The following LSM8 variants were observed in gnomAD, a reference collection of about 807,000 sequenced individuals.
The protein encoded by LSM8 is LSM8 homolog, U6 small nuclear RNA associated.
LSM8 carries 14 observed loss-of-function variants against 15.0 expected under a neutral mutation model. The observed-to-expected ratio is 0.93, with a 90% CI of 0.62 to 1.46. LSM8 has a LOEUF of 1.46. Ranked by LOEUF, LSM8 falls within the 40% of genes most tolerant of loss-of-function variation. LSM8 has a pLI of 0.00. For synonymous variants in LSM8, 50 were observed against 42.1 expected (o/e 1.19, Z -0.73); for missense variants, 90 against 115.4 (o/e 0.78, Z 1.01).
intron 2 of LSM8, 43 bp from the exon 3 acceptor site, chr7:118,188,235 A>T (rs1400217058): frequency 6.2e-7 from 1 of 1,603,124 alleles, no homozygotes; most frequent in South Asian, 1.1e-5. Context: ...CTTTCAGGTA[A>T]ACCAGAATAT....
intron 3 of LSM8, chr7:118,191,260 G>A (rs1419870453): frequency 6.6e-6 from 1 of 152,144 alleles, no homozygotes; most frequent in African/African-American, 2.4e-5. Context: ...ATCTAGCGTG[G>A]TATTAATGAA....
intron 1 of LSM8, chr7:118,184,468 A>T (rs1190283290): frequency 2.1e-6 from 1 of 474,484 alleles, no homozygotes; most frequent in African/African-American, 2.0e-5. Flanking sequence ...TGCAAAACCC[A>T]AATAAAAACC....
At chr7:118,187,990 T>A (rs902618137) in intron 2 of LSM8, among the ~76,000 whole-genome samples, 2 of 152,230 alleles carry the variant, frequency 1.3e-5, no homozygotes, top group African/African-American at 4.8e-5. Flanking sequence ...TAAGCTTTTA[T>A]GCTACTTACT....
intron 2 of LSM8, among the ~76,000 whole-genome samples, chr7:118,187,312 T>G (rs1325371233): frequency 1.3e-5 from 2 of 152,266 alleles, no homozygotes; most frequent in African/African-American, 4.8e-5. Context: ...TTCAGAAACT[T>G]GAATACCATG....
At position 118,195,698 on chromosome 7, in the gene LSM8, CAT is replaced by C. The variant is rs1018171935; in HGVS notation, c.*3700_*3701del. On this transcript the variant is annotated 3_prime_UTR_variant, in exon 4 of 4. Transcript: ENST00000249299. Reference sequence around the variant, plus strand: ...TTCTGTACTTGTATAGTCATTACCTCATATAGATTTAATTTTATTAAATTAAA... The same window carrying C: ...TTCTGTACTTGTATAGTCATTACCTCATAGATTTAATTTTATTAAATTAAA... Among the ~76,000 whole-genome samples the C allele has an allele frequency of 1.3e-4, 20 of 152,094 alleles. No individual in the cohort carries two copies. The highest frequency in any genetic ancestry group is 4.6e-4 in the African/African-American group (19 of 41,416).
chr7:118,185,285 G>A (rs1808868495), intron 1 of LSM8: 1 of 186,746 alleles, frequency 5.4e-6, no homozygotes. Context: ...TTGAGTCGAG[G>A]GTCTCACTCT....
Position 118,188,364 on chromosome 7 carries a change from A to G in LSM8, c.159A>G (p.Glu53=). 4.3e-6 allele frequency: 7 copies of G among 1,613,282 alleles called. No individual in the cohort carries two copies. The highest frequency in any genetic ancestry group is 5.9e-6 in the Non-Finnish European group (7 of 1,179,238). The stretch of plus-strand genomic sequence containing the variant: ...TATTCAGCTCTTCACAGGGGGTAGA[A>G]CAAGTGGTACTAGGATTATACATTG... ...ERVFSSSQGV[E]QVVLGLYIVR... The change falls in exon 3 of 4, where the codon GAA becomes GAG. Residue 53 remains glutamate (E), a synonymous_variant. Transcript: ENST00000249299.
Position 118,196,775 on chromosome 7 carries a change from G to C in LSM8, c.*4773G>C, listed in dbSNP as rs1277675793. Among the ~76,000 whole-genome samples, 1 of 148,434 alleles carries C rather than the reference G, an allele frequency of 6.7e-6. No individual in the cohort carries two copies. The highest frequency in any genetic ancestry group is 2.5e-5 in the African/African-American group (1 of 40,032). ...GAGACACTTCTTGCTCTTTCGCCAG[G>C]CTGGAGTGCAGTGGTGCAATCTTGG... is the stretch of plus-strand genomic sequence containing the variant. On this transcript the variant is annotated 3_prime_UTR_variant, in exon 4 of 4. Coordinates refer to ENST00000249299, the MANE Select transcript of LSM8 (RefSeq NM_016200.5).
chr7:118,195,046 GC>G lies in LSM8; in HGVS notation c.*3046del, dbSNP rs1451969852. 6.6e-6 allele frequency among the ~76,000 whole-genome samples: 1 copy of G among 152,140 alleles called. No individual in the cohort carries two copies. Among genetic ancestry groups the G allele is most frequent in the Non-Finnish European group, 1.5e-5 (1 of 68,016 alleles). ...ATCTGCTATCAAGCATCTATCAGAA[GC>G]CTGATGAGAAATATTCAGATGATCT... is the stretch of plus-strand genomic sequence containing the variant. On this transcript the variant is annotated 3_prime_UTR_variant, in exon 4 of 4. Transcript: ENST00000249299.
In LSM8 at chr7:118,198,309, T is replaced by C. The variant is rs1017843346; in HGVS notation, c.*6307T>C. Among the ~76,000 whole-genome samples, 1 of 152,150 alleles carries C rather than the reference T, an allele frequency of 6.6e-6. No individual in the cohort carries two copies. The highest frequency in any genetic ancestry group is 2.4e-5 in the African/African-American group (1 of 41,450). On this transcript the variant is annotated 3_prime_UTR_variant, in exon 4 of 4. Transcript: ENST00000249299. ...TATGCCAGAGATCTGAAATGAAGAATGGATAAGAGCTTGCATATTTAATTT... is the reference window on the plus strand; with the variant it reads ...TATGCCAGAGATCTGAAATGAAGAACGGATAAGAGCTTGCATATTTAATTT...
chr7:118,194,557 A>G lies in LSM8; in HGVS notation c.*2555A>G, dbSNP rs1809044876. Among the ~76,000 whole-genome samples the G allele has an allele frequency of 6.6e-6, 1 of 152,172 alleles. No homozygotes were observed. The highest frequency in any genetic ancestry group is 1.5e-5 in the Non-Finnish European group (1 of 68,004). ...TAAACATCCTGTTTAACAACTTTAT[A>G]ACATCCTTCGGAATTTTTAAGGTAA... On this transcript the variant is annotated 3_prime_UTR_variant, in exon 4 of 4. Coordinates refer to ENST00000249299, the MANE Select transcript of LSM8 (RefSeq NM_016200.5).
At position 118,203,664 on chromosome 7, in the gene LSM8, G is replaced by C. The variant is rs1440150916; in HGVS notation, c.*11662G>C. Among the ~76,000 whole-genome samples, 9 of 151,934 alleles carry C rather than the reference G, an allele frequency of 5.9e-5. No homozygotes were observed. The East Asian group carries it at 1.4e-3, about 23-fold the overall frequency. ...ATAAAAAGTGAAAAGTCATCTGCCA[G>C]ATCTAACATGGTATACTCTAATGGA... On this transcript the variant is annotated 3_prime_UTR_variant, in exon 4 of 4. Transcript: ENST00000249299.
At chr7:118,185,517 T>A in intron 1 of LSM8, 137 bp from the exon 2 acceptor site, 1 of 739,280 alleles carries the variant, frequency 1.4e-6, no homozygotes, top group Non-Finnish European at 2.3e-6. Context: ...AACGTTTTTA[T>A]GTAGTGAACT....
chr7:118,185,631 A>C, intron 1 of LSM8, 23 bp from the exon 2 acceptor site: 2 of 1,594,970 alleles, frequency 1.3e-6, no homozygotes, highest in Non-Finnish European at 1.7e-6. Flanking sequence ...CCTAAGAAAC[A>C]CTTTCTTTGA....
chr7:118,202,980 C>T lies in LSM8; in HGVS notation c.*10978C>T, dbSNP rs752256896. Among the ~76,000 whole-genome samples the T allele has an allele frequency of 2.0e-5, 3 of 151,892 alleles. No individual in the cohort carries two copies. The highest frequency in any genetic ancestry group is 7.3e-5 in the African/African-American group (3 of 41,376). ...CTTACTTTATCCTTCAGGATTCTGG[C>T]GTCAAGTCCCTCCCTATCAGTCTTT... On this transcript the variant is annotated 3_prime_UTR_variant, in exon 4 of 4. Transcript: ENST00000249299.
In LSM8 at chr7:118,201,406, C is replaced by A. The variant is rs953006243; in HGVS notation, c.*9404C>A. On this transcript the variant is annotated 3_prime_UTR_variant, in exon 4 of 4. Transcript: ENST00000249299. ...TGGGCCTGATGACATCATTTCAGCA[C>A]CTGGATCCAGCGATGCCTAAAGATG... is the stretch of plus-strand genomic sequence containing the variant. Among the ~76,000 whole-genome samples, 3 of 152,018 alleles carry A rather than the reference C, an allele frequency of 2.0e-5. No homozygotes were observed. Among genetic ancestry groups the A allele is most frequent in the Non-Finnish European group, 4.4e-5 (3 of 67,974 alleles).
rs1273837086 is a variant in LSM8, at chr7:118,202,283, C to T, written c.*10281C>T. ...AGTTAGAATGGTATTTGGCTATAAG[C>T]ACTGGAAACTCTGACTGCCAGTGGC... On this transcript the variant is annotated 3_prime_UTR_variant, in exon 4 of 4. Transcript: ENST00000249299. Among the ~76,000 whole-genome samples the T allele has an allele frequency of 6.6e-6, 1 of 151,982 alleles. No individual in the cohort carries two copies. Among genetic ancestry groups the T allele is most frequent in the East Asian group, 1.9e-4 (1 of 5,198 alleles).
rs977048103 is a variant in LSM8 at position 118,199,071 on chromosome 7, C to T, written c.*7069C>T. On this transcript the variant is annotated 3_prime_UTR_variant, in exon 4 of 4. Coordinates refer to ENST00000249299, the MANE Select transcript of LSM8 (RefSeq NM_016200.5). ...GTGCAGCTCCACTGGGAGAGGACAT[C>T]TTGAAGTTTGTGCCTGGTTTCTCCT... Among the ~76,000 whole-genome samples, 4 of 152,196 alleles carry T rather than the reference C, an allele frequency of 2.6e-5. No homozygotes were observed. Among genetic ancestry groups the T allele is most frequent in the African/African-American group, 9.7e-5 (4 of 41,448 alleles).
Position 118,201,194 on chromosome 7 carries a change from C to T in LSM8, c.*9192C>T, listed in dbSNP as rs1043241141. Among the ~76,000 whole-genome samples the T allele has an allele frequency of 4.6e-5, 7 of 152,032 alleles. No homozygotes were observed. Among genetic ancestry groups the T allele is most frequent in the Middle Eastern group, 3.4e-3 (1 of 294 alleles). On this transcript the variant is annotated 3_prime_UTR_variant, in exon 4 of 4. Transcript: ENST00000249299. ...TTTCATTAACTGTTAGCAGTTATTT[C>T]GAGTTATTTATATATCACAGAATTT...
Sources: allele counts gnomAD v4.1 joint callset (sites outside exome capture counted in the v4.1 genomes callset), GRCh38; gene constraint gnomAD v4.1.1; transcripts MANE v1.5; gene names NCBI Gene and HGNC (gene_info 2026-07-23, HGNC 2026-07-21).